Variants in ATP2C1 observed in about 807,000 individuals in gnomAD.
ATP2C1 encodes the protein ATPase secretory pathway Ca2+ transporting 1, also known as calcium-transporting ATPase type 2C member 1.
Under a neutral mutation model 120.5 loss-of-function variants are expected in ATP2C1, and 31 were observed. The observed-to-expected ratio is 0.26, with a 90% CI of 0.19 to 0.35. ATP2C1 has a LOEUF of 0.35. Ranked by LOEUF, ATP2C1 falls within the 10% of genes least tolerant of loss-of-function variation. ATP2C1 has a pLI of 1.00. For synonymous variants in ATP2C1, 351 were observed against 358.7 expected, an observed-to-expected ratio of 0.98 and a Z score of 0.24; for missense variants, 731 against 1,107.5, an observed-to-expected ratio of 0.66 and a Z score of 4.83.
chr3:130,918,552 C>T (rs2058789702), intron 2 of ATP2C1: 2 of 745,284 alleles, frequency 2.7e-6, no homozygotes, highest in Non-Finnish European at 5.1e-6. Context: ...TCACCACGGT[C>T]CATGTTAAGT....
chr3:130,918,557 T>C (rs1212488034), intron 2 of ATP2C1: 1 of 743,914 alleles, frequency 1.3e-6, no homozygotes, highest in Non-Finnish European at 2.5e-6. Flanking sequence ...ACGGTCCATG[T>C]TAAGTATGCC....
At chr3:130,935,402 A>G (rs559136950) in intron 5 of ATP2C1, among the ~76,000 whole-genome samples, 80 of 152,302 alleles carry the variant, frequency 5.3e-4, no homozygotes, top group Non-Finnish European at 1.1e-3. Context: ...TATTCTTTCC[A>G]GCTAGGTTAT....
chr3:130,860,905 C>T (rs1324039449), intron 1 of ATP2C1, among the ~76,000 whole-genome samples: 1 of 152,142 alleles, frequency 6.6e-6, no homozygotes, highest in Admixed American at 6.5e-5. Flanking sequence ...GGTGGAAATA[C>T]AGGTTTTTGC....
chr3:130,963,711 CAAGT>C (rs1194204212), intron 12 of ATP2C1: 1 of 446,320 alleles, frequency 2.2e-6, no homozygotes, highest in Non-Finnish European at 4.1e-6. Context: ...CAGGATCACA[CAAGT>C]AAGAGATGGT....
chr3:130,953,171 T>A (rs1186454269), intron 8 of ATP2C1, among the ~76,000 whole-genome samples: 1 of 152,106 alleles, frequency 6.6e-6, no homozygotes, highest in African/African-American at 2.4e-5. Flanking sequence ...TTTTTTTCTT[T>A]TTTCTGTATG....
intron 2 of ATP2C1, 38 bp from the exon 3 acceptor site, chr3:130,930,378 C>A: frequency 2.4e-6 from 3 of 1,270,878 alleles, no homozygotes; most frequent in African/African-American, 1.5e-5. Flanking sequence ...CACTTGTTTG[C>A]TATATTCAAA....
chr3:130,920,856 G>C (rs2058925271), intron 2 of ATP2C1, among the ~76,000 whole-genome samples: 1 of 151,916 alleles, frequency 6.6e-6, no homozygotes, highest in African/African-American at 2.4e-5. Flanking sequence ...TTCATTCATT[G>C]TTTTCTGGTT....
chr3:130,941,991 T>C (rs906970236), intron 8 of ATP2C1, among the ~76,000 whole-genome samples: 2 of 152,194 alleles, frequency 1.3e-5, no homozygotes, highest in Non-Finnish European at 2.9e-5. Flanking sequence ...GGGAACATAC[T>C]ATGTGTACAC....
intron 1 of ATP2C1, among the ~76,000 whole-genome samples, chr3:130,859,934 A>G (rs997494060): frequency 3.3e-5 from 5 of 152,160 alleles, no homozygotes; most frequent in African/African-American, 9.6e-5. Flanking sequence ...AAATCTAGAA[A>G]ATAAGTGTTT....
intron 26 of ATP2C1, among the ~76,000 whole-genome samples, chr3:131,009,680 C>T (rs1577072067): frequency 6.6e-6 from 1 of 152,260 alleles, no homozygotes. Flanking sequence ...TGGTATTACT[C>T]ACACCTCTGG....
Position 130,894,246 on chromosome 3 carries a change from G to A in ATP2C1, c.-272G>A. The A allele has an allele frequency of 1.0e-6, 1 of 985,058 alleles. No individual in the cohort carries two copies. The highest frequency in any genetic ancestry group is 4.7e-5 in the South Asian group (1 of 21,390). The allele number at this position is 985,058 out of a possible 1,614,324, so 61.0% of individuals were successfully genotyped here. A position where few individuals can be genotyped will look rare whatever the true frequency, so the allele number is the denominator to read the frequency against. On this transcript the variant is annotated 5_prime_UTR_variant, in exon 1 of 28. Transcript: ENST00000510168. This position sits in a 1 kb window ranked among gnomAD's most constrained non-coding sequence, Gnocchi z 4.5. ...CCCGCCTCGCACCGCTGCCCCGCGA[G>A]CAGCTCCTCTTCTCCCGAGGCGCGC...
At chr3:130,942,641 A>G (rs2059973867) in intron 8 of ATP2C1, among the ~76,000 whole-genome samples, 5 of 152,176 alleles carry the variant, frequency 3.3e-5, no homozygotes. Context: ...TTTTCCAAAT[A>G]TTTGAAATTT....
At chr3:131,011,028 A>G (rs2063299601) in intron 26 of ATP2C1, among the ~76,000 whole-genome samples, 1 of 152,182 alleles carries the variant, frequency 6.6e-6, no homozygotes. Context: ...TATAATCCTT[A>G]TTTTGCAAGT....
At chr3:130,906,660 C>T (rs1355012739) in intron 2 of ATP2C1, among the ~76,000 whole-genome samples, 3 of 149,092 alleles carry the variant, frequency 2.0e-5, no homozygotes, top group African/African-American at 4.9e-5. Context: ...TCCACATCCT[C>T]TCCAACATTT....
downstream of ATP2C1, among the ~76,000 whole-genome samples, chr3:131,005,433 A>G (rs78278830): frequency 1.8e-3 from 269 of 152,212 alleles, 4 homozygotes; most frequent in East Asian, 0.036. Flanking sequence ...GTATCTTCTG[A>G]GAGATAGCAT....
intron 24 of ATP2C1, 121 bp downstream of exon 24, chr3:130,996,917 TTA>T (rs2062648365): frequency 6.4e-6 from 5 of 776,968 alleles, no homozygotes; most frequent in Non-Finnish European, 1.1e-5. Flanking sequence ...GTTTTAACAT[TTA>T]TGTTATAAAT....
intron 8 of ATP2C1, among the ~76,000 whole-genome samples, chr3:130,949,792 T>C (rs530415961): frequency 1.3e-5 from 2 of 152,246 alleles, no homozygotes; most frequent in South Asian, 4.1e-4. Flanking sequence ...AGATTTTAAA[T>C]TACATTTTTC....
intron 2 of ATP2C1, chr3:130,918,497 T>C: frequency 1.3e-6 from 1 of 778,812 alleles, no homozygotes; most frequent in Non-Finnish European, 2.4e-6. Context: ...TTGGATTTGC[T>C]TGTAGGCATG....
chr3:130,943,654 A>G (rs145818609), intron 8 of ATP2C1, among the ~76,000 whole-genome samples: 2 of 152,228 alleles, frequency 1.3e-5, no homozygotes, highest in African/African-American at 4.8e-5. Flanking sequence ...AGTTAGGTTG[A>G]TTTTGTTCTA....
Sources: gnomAD v4.1 joint callset for allele counts (sites outside exome capture counted in the v4.1 genomes callset) on GRCh38, gnomAD v4.1.1 for gene constraint, Gnocchi (gnomAD v3.1) non-coding constraint, MANE v1.5 for transcripts, NCBI Gene and HGNC (gene_info 2026-07-23, HGNC 2026-07-21) for gene names.